NXPH1: variants seen among roughly 807,000 people sequenced by gnomAD.
NXPH1 encodes neurexophilin-1.
NXPH1 carries 5 observed loss-of-function variants against 23.7 expected under a neutral mutation model. That is an observed-to-expected ratio of 0.21 (90% CI 0.11 to 0.44). The LOEUF is 0.44. NXPH1 is among the 20% of genes least tolerant of loss of function. NXPH1 has a pLI of 0.99. For synonymous variants in NXPH1, 144 were observed against 122.2 expected, an observed-to-expected ratio of 1.18 and a Z score of -1.18; for missense variants, 324 against 321.6, an observed-to-expected ratio of 1.01 and a Z score of -0.06.
intron 2 of NXPH1, among the ~76,000 whole-genome samples, chr7:8,731,458 C>T (rs1204899527): frequency 3.3e-5 from 5 of 152,110 alleles, no homozygotes; most frequent in South Asian, 2.1e-4. Flanking sequence ...TGTTTTTTCC[C>T]CATCTTTGTG....
intron 2 of NXPH1, among the ~76,000 whole-genome samples, chr7:8,497,502 T>C (rs1817357364): frequency 6.6e-6 from 1 of 152,192 alleles, no homozygotes; most frequent in Non-Finnish European, 1.5e-5. Context: ...TTCCTATTTC[T>C]CCACATCCTT....
intron 2 of NXPH1, among the ~76,000 whole-genome samples, chr7:8,671,950 G>GT (rs1562450049): frequency 1.3e-5 from 2 of 151,994 alleles, no homozygotes; most frequent in East Asian, 1.9e-4. Context: ...GGGGTTGTTT[G>GT]TTTTTTTCTT....
intron 2 of NXPH1, among the ~76,000 whole-genome samples, chr7:8,638,627 C>A (rs1227394688): frequency 1.3e-5 from 2 of 152,008 alleles, no homozygotes; most frequent in Non-Finnish European, 2.9e-5. Context: ...CTTAGAGGGG[C>A]TTTTAAGAGG....
intron 2 of NXPH1, among the ~76,000 whole-genome samples, chr7:8,629,607 C>T (rs1385502146): frequency 6.6e-6 from 1 of 152,072 alleles, no homozygotes; most frequent in Non-Finnish European, 1.5e-5. Context: ...ACTAAAATTG[C>T]TCTTTATATT....
chr7:8,694,994 T>C (rs1821283376), intron 2 of NXPH1, among the ~76,000 whole-genome samples: 2 of 152,234 alleles, frequency 1.3e-5, no homozygotes, highest in Admixed American at 6.5e-5. Context: ...TTAGAGGGTT[T>C]AGACTTTTAA....
At chr7:8,602,964 C>T (rs149954666) in intron 2 of NXPH1, among the ~76,000 whole-genome samples, 2 of 152,208 alleles carry the variant, frequency 1.3e-5, no homozygotes, top group South Asian at 4.1e-4. Context: ...GCGCCCACCA[C>T]CATGCACAGC....
chr7:8,738,528 G>T (rs1011121071), intron 2 of NXPH1, among the ~76,000 whole-genome samples: 1 of 152,192 alleles, frequency 6.6e-6, no homozygotes, highest in African/African-American at 2.4e-5. Flanking sequence ...CCAGATACCA[G>T]CTGGAGCTCT....
At chr7:8,580,490 A>G (rs1040472091) in intron 2 of NXPH1, among the ~76,000 whole-genome samples, 16 of 152,190 alleles carry the variant, frequency 1.1e-4, no homozygotes, top group Admixed American at 2.6e-4. Context: ...TAGGGGGCTG[A>G]GAATGGGAGA....
intron 2 of NXPH1, among the ~76,000 whole-genome samples, chr7:8,567,998 G>A (rs974951534): frequency 6.6e-6 from 1 of 151,830 alleles, no homozygotes; most frequent in African/African-American, 2.4e-5. Context: ...ATCTGTGTGG[G>A]TGAAAATAAG....
intron 2 of NXPH1, among the ~76,000 whole-genome samples, chr7:8,596,643 T>A (rs1271709122): frequency 6.6e-6 from 1 of 152,096 alleles, no homozygotes; most frequent in African/African-American, 2.4e-5. Context: ...GAAATCAGAT[T>A]TTCTAATAAT....
At chr7:8,469,345 T>A (rs973744010) in intron 2 of NXPH1, among the ~76,000 whole-genome samples, 1 of 152,000 alleles carries the variant, frequency 6.6e-6, no homozygotes, top group Non-Finnish European at 1.5e-5. Context: ...TAAAAAAAAA[T>A]CTTTATTTGC....
chr7:8,521,715 T>C (rs1817774526), intron 2 of NXPH1, among the ~76,000 whole-genome samples: 2 of 152,160 alleles, frequency 1.3e-5, no homozygotes, highest in African/African-American at 4.8e-5. Flanking sequence ...TTTTGACTGA[T>C]TGAATGTTAA....
chr7:8,500,455 A>G (rs1817413156), intron 2 of NXPH1, among the ~76,000 whole-genome samples: 2 of 152,090 alleles, frequency 1.3e-5, no homozygotes, highest in Non-Finnish European at 2.9e-5. Flanking sequence ...GACCTTGGGC[A>G]GGTTGCCAAC....
intron 2 of NXPH1, among the ~76,000 whole-genome samples, chr7:8,438,871 GA>G (rs1816244417): frequency 6.6e-6 from 1 of 152,152 alleles, no homozygotes; most frequent in South Asian, 2.1e-4. Flanking sequence ...GTTCAAAATA[GA>G]AGCTTATTTT....
At chr7:8,541,972 C>A (rs1294197756) in intron 2 of NXPH1, among the ~76,000 whole-genome samples, 1 of 150,872 alleles carries the variant, frequency 6.6e-6, no homozygotes, top group Non-Finnish European at 1.5e-5. Context: ...AAACTAATAG[C>A]GAGATAATGA....
intron 2 of NXPH1, among the ~76,000 whole-genome samples, chr7:8,730,633 G>T (rs1269675359): frequency 6.6e-6 from 1 of 152,160 alleles, no homozygotes; most frequent in African/African-American, 2.4e-5. Flanking sequence ...ATTCTGGGTT[G>T]ACAATTCTTT....
At chr7:8,497,381 A>G (rs1408124358) in intron 2 of NXPH1, among the ~76,000 whole-genome samples, 2 of 152,164 alleles carry the variant, frequency 1.3e-5, no homozygotes, top group African/African-American at 2.4e-5. Context: ...ATACCCAGTA[A>G]TGGGATGGCT....
intron 2 of NXPH1, among the ~76,000 whole-genome samples, chr7:8,713,673 G>C (rs1583242599): frequency 6.6e-6 from 1 of 152,256 alleles, no homozygotes; most frequent in East Asian, 1.9e-4. Context: ...TCTGCATTAG[G>C]GAGTACCCCA....
rs561110986 is a variant in NXPH1 at position 8,584,220 on chromosome 7, C to A, written c.54+148453C>A. 2.0e-5 allele frequency among the ~76,000 whole-genome samples: 3 copies of A among 152,210 alleles called. No homozygotes were observed. The South Asian group carries it at 6.2e-4, about 32-fold the overall frequency. The stretch of plus-strand genomic sequence containing the variant: ...ATAGAGCTGTAAAGTGGAATCAGGA[C>A]TTGGCCCTAGATAGTCAGACTGTAG... On this transcript the variant is annotated intron_variant, in intron 2 of 2. Coordinates refer to ENST00000405863, the MANE Select transcript of NXPH1 (RefSeq NM_152745.3).
Sources: allele counts gnomAD v4.1 joint callset (sites outside exome capture counted in the v4.1 genomes callset), GRCh38; gene constraint gnomAD v4.1.1; transcripts MANE v1.5; gene names NCBI Gene and HGNC (gene_info 2026-07-23, HGNC 2026-07-21).